Variants in BACH2 observed in about 807,000 individuals in gnomAD.
BACH2 encodes BACH transcriptional regulator 2.
BACH2 carries 5 observed loss-of-function variants against 61.8 expected under a neutral mutation model. The ratio of observed to expected loss-of-function variants is 0.08; its 90% CI spans 0.04 to 0.17. The LOEUF (loss-of-function observed/expected upper bound fraction) is 0.17, where lower values mean the gene tolerates loss of function less well. Among genes scored for constraint, BACH2 ranks in the 10% least tolerant of loss-of-function variants. BACH2 has a pLI of 1.00. For missense variants in BACH2, 824 were observed against 1,091.1 expected (o/e 0.76, Z 3.45); for synonymous variants, 446 against 440.1 (o/e 1.01, Z -0.17).
In BACH2 at chr6:89,998,692, C is replaced by CTT. The variant is rs540354097; in HGVS notation, c.243+9908_243+9909dup. 3.0e-3 allele frequency among the ~76,000 whole-genome samples: 442 copies of CTT among 146,448 alleles called. 14 individuals are homozygous for CTT. In the East Asian group the frequency reaches 0.079, roughly 26 times the overall value. On this transcript the variant is annotated intron_variant, in intron 6 of 8. Coordinates refer to ENST00000257749, the MANE Select transcript of BACH2 (RefSeq NM_021813.4). ...AAGAACAGCCTTCTTTCTTTTTTCC[C>CTT]TTTTTTTTTTTAACTGACCACCATG...
intron 5 of BACH2, among the ~76,000 whole-genome samples, chr6:90,043,510 C>A (rs1177399918): frequency 6.6e-6 from 1 of 151,372 alleles, no homozygotes; most frequent in Non-Finnish European, 1.5e-5. Flanking sequence ...CTCCCTTCCT[C>A]CCTCCCTTCC....
chr6:90,013,257 T>A (rs899924495), intron 5 of BACH2, among the ~76,000 whole-genome samples: 1 of 152,190 alleles, frequency 6.6e-6, no homozygotes, highest in African/African-American at 2.4e-5. Context: ...AATTTTAATG[T>A]CTTTTTCTTA....
At chr6:89,937,977 A>G (rs990030012) in intron 8 of BACH2, among the ~76,000 whole-genome samples, 167 bp downstream of exon 8, 4 of 152,224 alleles carry the variant, frequency 2.6e-5, no homozygotes, top group African/African-American at 9.6e-5. Context: ...ACACACACAC[A>G]CGCACAGATG....
chr6:89,982,490 T>G (rs1776012801), intron 6 of BACH2, among the ~76,000 whole-genome samples: 1 of 152,242 alleles, frequency 6.6e-6, no homozygotes, highest in African/African-American at 2.4e-5. Context: ...GATAAAAGTC[T>G]GATTTGGATT....
chr6:90,116,935 A>C (rs926577592), intron 4 of BACH2: 1 of 438,210 alleles, frequency 2.3e-6, no homozygotes, highest in Non-Finnish European at 4.2e-6. Context: ...GTCCAAGTAC[A>C]TGTGCAGCTT....
At chr6:90,218,300 C>T (rs1769609150) in intron 3 of BACH2, 1 of 152,192 alleles carries the variant, frequency 6.6e-6, no homozygotes, top group Admixed American at 6.5e-5. Context: ...TTCTTTTAAA[C>T]AGAGGCAAGC....
chr6:90,073,284 C>A (rs920573225), intron 5 of BACH2, among the ~76,000 whole-genome samples: 1 of 151,270 alleles, frequency 6.6e-6, no homozygotes, highest in Non-Finnish European at 1.5e-5. Flanking sequence ...CCTCCCCAAA[C>A]TGACTCTGCG....
rs533618946 is a variant in BACH2 at position 90,055,740 on chromosome 6, C to T, written c.-13+33221G>A. 3.7e-3 allele frequency among the ~76,000 whole-genome samples: 564 copies of T among 152,110 alleles called. 4 individuals carry two copies. Among genetic ancestry groups the T allele is most frequent in the African/African-American group, 0.013 (542 of 41,394 alleles). On this transcript the variant is annotated intron_variant, in intron 5 of 8. Transcript: ENST00000257749. ...AGCCAGAGAGAAAGGTCAGGTTACC[C>T]ACAAAGGGAAGCCCAACAGACTAAC...
At chr6:90,166,502 C>T (rs1767623368) in intron 4 of BACH2, among the ~76,000 whole-genome samples, 1 of 152,166 alleles carries the variant, frequency 6.6e-6, no homozygotes, top group South Asian at 2.1e-4. Context: ...TGTGGCGATT[C>T]CTCAGGGATC....
chr6:89,939,171 T>C (rs1286335323), intron 7 of BACH2, among the ~76,000 whole-genome samples: 2 of 152,206 alleles, frequency 1.3e-5, no homozygotes, highest in Non-Finnish European at 2.9e-5. Context: ...TTAGCTGCCA[T>C]GCCTCGAGGA....
intron 5 of BACH2, among the ~76,000 whole-genome samples, chr6:90,073,768 G>C (rs2127802335): frequency 6.6e-6 from 1 of 152,282 alleles, no homozygotes; most frequent in Non-Finnish European, 1.5e-5. Flanking sequence ...TCACATTAAA[G>C]CAAATTCAAT....
At position 90,062,025 on chromosome 6, in the gene BACH2, A is replaced by G. The variant is rs116213027; in HGVS notation, c.-13+26936T>C. On this transcript the variant is annotated intron_variant, in intron 5 of 8. Transcript: ENST00000257749. ...GACACAAGAAGTTTTTTCCTGGGGC[A>G]GTATTAAAGATTTTATATGCCAATG... 9.9e-3 allele frequency among the ~76,000 whole-genome samples: 1,501 copies of G among 152,318 alleles called. 19 individuals carry two copies. The highest frequency in any genetic ancestry group is 0.033 in the African/African-American group (1,352 of 41,556).
intron 6 of BACH2, among the ~76,000 whole-genome samples, chr6:89,987,294 G>T (rs1776295881): frequency 6.6e-6 from 1 of 152,186 alleles, no homozygotes; most frequent in African/African-American, 2.4e-5. Context: ...TTACCCTGAT[G>T]ATCCTGAACT....
chr6:90,030,493 T>A (rs1019468220), intron 5 of BACH2, among the ~76,000 whole-genome samples: 5 of 151,988 alleles, frequency 3.3e-5, no homozygotes, highest in African/African-American at 1.2e-4. Context: ...AAGAATCAAA[T>A]AGACGCAATA....
chr6:90,197,270 G>A lies in BACH2; in HGVS notation c.-162+9299C>T, dbSNP rs115727696. On this transcript the variant is annotated intron_variant, in intron 4 of 8. Transcript: ENST00000257749. ...AAATAAAGCCAATCTAAAGTATTAC[G>A]TACTTAAATTAATAAACTGGATTGG... Among the ~76,000 whole-genome samples the A allele has an allele frequency of 1.5e-3, 228 of 152,198 alleles. 1 individual carries two copies. Among genetic ancestry groups the A allele is most frequent in the African/African-American group, 4.8e-3 (199 of 41,524 alleles).
chr6:90,277,214 T>C (rs761981265), intron 1 of BACH2, among the ~76,000 whole-genome samples: 10 of 152,334 alleles, frequency 6.6e-5, no homozygotes, highest in South Asian at 6.2e-4. Flanking sequence ...AATCTTCACA[T>C]TGCTACTCAT....
At chr6:89,996,657 T>C (rs1028512454) in intron 6 of BACH2, among the ~76,000 whole-genome samples, 3 of 152,188 alleles carry the variant, frequency 2.0e-5, no homozygotes, top group African/African-American at 7.2e-5. Context: ...AGTGAAGTCC[T>C]GTCCATCCTG....
intron 7 of BACH2, among the ~76,000 whole-genome samples, chr6:89,942,507 T>G (rs1773493738): frequency 6.6e-6 from 1 of 152,188 alleles, no homozygotes; most frequent in South Asian, 2.1e-4. Flanking sequence ...TCCACACACT[T>G]GCTCCTCCAG....
chr6:90,029,227 T>C (rs910188968), intron 5 of BACH2, among the ~76,000 whole-genome samples: 2 of 152,150 alleles, frequency 1.3e-5, no homozygotes, highest in Admixed American at 1.3e-4. Context: ...ACAGCTGATT[T>C]CAAACAACCC....
Sources: allele counts gnomAD v4.1 joint callset (sites outside exome capture counted in the v4.1 genomes callset), GRCh38; gene constraint gnomAD v4.1.1; transcripts MANE v1.5; gene names NCBI Gene and HGNC (gene_info 2026-07-23, HGNC 2026-07-21).